KLHL1: variants seen among roughly 807,000 people sequenced by gnomAD.
KLHL1 encodes the protein kelch-like protein 1.
A neutral mutation model predicts 77.7 loss-of-function variants in KLHL1; 47 were observed. The observed-to-expected ratio is 0.60, with a 90% CI of 0.48 to 0.77. The LOEUF (loss-of-function observed/expected upper bound fraction) is 0.77, where lower values mean the gene tolerates loss of function less well. Ranked by LOEUF, KLHL1 falls within the 30% of genes least tolerant of loss-of-function variation. The pLI is 0.00. For synonymous variants in KLHL1, 360 were observed against 325.2 expected, an observed-to-expected ratio of 1.11 and a Z score of -1.15; for missense variants, 925 against 910.8, an observed-to-expected ratio of 1.02 and a Z score of -0.20.
chr13:69,744,662 C>A (rs190193156), intron 7 of KLHL1, among the ~76,000 whole-genome samples: 44 of 151,752 alleles, frequency 2.9e-4, no homozygotes, highest in Admixed American at 1.5e-3. Flanking sequence ...AGGTACACCC[C>A]CCCCAAAAGC....
At chr13:69,754,740 T>G (rs2152779) in intron 7 of KLHL1, among the ~76,000 whole-genome samples, 37,075 of 151,942 alleles carry the variant, frequency 0.24, 4,557 homozygotes, top group South Asian at 0.3. Flanking sequence ...GCACAATGGC[T>G]TTTCTTTTTA....
chr13:69,916,437 G>T (rs922939349), intron 4 of KLHL1, among the ~76,000 whole-genome samples: 2 of 152,070 alleles, frequency 1.3e-5, no homozygotes, highest in Non-Finnish European at 2.9e-5. Context: ...CATGTCCTTT[G>T]TAGGGACATG....
intron 2 of KLHL1, among the ~76,000 whole-genome samples, chr13:69,967,435 TC>T (rs1211277564): frequency 6.6e-6 from 1 of 152,176 alleles, no homozygotes; most frequent in Non-Finnish European, 1.5e-5. Context: ...AGAAGTGGAA[TC>T]TGAAGATGTA....
intron 1 of KLHL1, among the ~76,000 whole-genome samples, chr13:69,991,226 A>T (rs1885019347): frequency 6.6e-6 from 1 of 151,990 alleles, no homozygotes; most frequent in Admixed American, 6.6e-5. Flanking sequence ...TTAACAACCT[A>T]ACATCACAAT....
At chr13:70,044,496 A>C (rs553292940) in intron 1 of KLHL1, among the ~76,000 whole-genome samples, 29 of 152,186 alleles carry the variant, frequency 1.9e-4, no homozygotes, top group Non-Finnish European at 3.8e-4. Flanking sequence ...TTTACATGAA[A>C]AAATACATAT....
At chr13:69,904,302 A>C (rs987272990) in intron 4 of KLHL1, among the ~76,000 whole-genome samples, 2 of 152,212 alleles carry the variant, frequency 1.3e-5, no homozygotes, top group Admixed American at 1.3e-4. Context: ...TGAAGTTATC[A>C]TTATAAAGAT....
intron 6 of KLHL1, among the ~76,000 whole-genome samples, chr13:69,802,739 G>C (rs1038122198): frequency 1.3e-5 from 2 of 151,792 alleles, no homozygotes; most frequent in Non-Finnish European, 2.9e-5. Flanking sequence ...CCCCCATAGA[G>C]TTGTGAGCCC....
chr13:69,869,906 CA>C (rs887739270), intron 5 of KLHL1, among the ~76,000 whole-genome samples: 4 of 151,934 alleles, frequency 2.6e-5, no homozygotes, highest in African/African-American at 9.7e-5. Flanking sequence ...ATGATTATTA[CA>C]AAAAATACTA....
At chr13:69,815,457 A>G (rs1239318399) in intron 6 of KLHL1, among the ~76,000 whole-genome samples, 2 of 152,232 alleles carry the variant, frequency 1.3e-5, no homozygotes, top group Non-Finnish European at 2.9e-5. Flanking sequence ...ACAGAAACAG[A>G]AAACCAAATA....
chr13:69,744,658 A>AC (rs909856901), intron 7 of KLHL1, among the ~76,000 whole-genome samples: 59 of 150,588 alleles, frequency 3.9e-4, no homozygotes, highest in Admixed American at 8.0e-4. Context: ...CGAAAGGTAC[A>AC]CCCCCCCCAA....
rs148082358 is a variant in KLHL1 at position 69,832,211 on chromosome 13, C to T, written c.1414+6765G>A. Among the ~76,000 whole-genome samples, 870 of 149,826 alleles carry T rather than the reference C, an allele frequency of 5.8e-3. 32 individuals are homozygous for T. The highest frequency in any genetic ancestry group is 0.01 in the Middle Eastern group (3 of 286). ...ATACCTAGAATACTCTATAAACTCACGCAAAAAGCTCCTAGATCTGATAAA... is the reference window on the plus strand; with the variant it reads ...ATACCTAGAATACTCTATAAACTCATGCAAAAAGCTCCTAGATCTGATAAA... On this transcript the variant is annotated intron_variant, in intron 6 of 10. Coordinates refer to ENST00000377844, the MANE Select transcript of KLHL1 (RefSeq NM_020866.3).
chr13:69,883,327 A>T lies in KLHL1; in HGVS notation c.1015-832T>A, dbSNP rs766212185. Among the ~76,000 whole-genome samples the T allele has an allele frequency of 2.0e-5, 3 of 152,248 alleles. No homozygotes were observed. In the East Asian group the frequency reaches 5.8e-4, roughly 29 times the overall value. On this transcript the variant is annotated intron_variant, in intron 4 of 10. Transcript: ENST00000377844. Reference sequence around the variant, plus strand: ...TGTTCTCTTTGTTTTTCAACTTGCCATCTTGTTTGACATTTCCTCCCTTAC... The same window carrying T: ...TGTTCTCTTTGTTTTTCAACTTGCCTTCTTGTTTGACATTTCCTCCCTTAC...
intron 7 of KLHL1, among the ~76,000 whole-genome samples, chr13:69,777,495 T>G (rs184543415): frequency 6.6e-6 from 1 of 152,218 alleles, no homozygotes; most frequent in South Asian, 2.1e-4. Flanking sequence ...AGGATATTTT[T>G]CATATTTTAA....
At chr13:69,975,482 AAAC>A (rs958375700) in intron 2 of KLHL1, 135 bp downstream of exon 2, 88 of 738,346 alleles carry the variant, frequency 1.2e-4, no homozygotes, top group African/African-American at 2.5e-4. Flanking sequence ...TAAACAAAAC[AAAC>A]AACAACAACA....
chr13:69,783,158 CA>C (rs1876320732), intron 7 of KLHL1, among the ~76,000 whole-genome samples: 1 of 152,044 alleles, frequency 6.6e-6, no homozygotes, highest in African/African-American at 2.4e-5. Context: ...AGGACATCCA[CA>C]ACAAAAACCC....
chr13:69,801,930 G>A (rs1462607628), intron 6 of KLHL1, among the ~76,000 whole-genome samples: 1 of 152,040 alleles, frequency 6.6e-6, no homozygotes, highest in Non-Finnish European at 1.5e-5. Flanking sequence ...TATTACATAG[G>A]TATACATGCG....
chr13:69,954,557 A>C (rs1883809205), intron 3 of KLHL1, among the ~76,000 whole-genome samples: 1 of 151,222 alleles, frequency 6.6e-6, no homozygotes, highest in African/African-American at 2.4e-5. Context: ...CTTACTTCAA[A>C]ACCCAGAAAA....
At chr13:69,703,153 A>G (rs1002721512) in intron 10 of KLHL1, among the ~76,000 whole-genome samples, 7 of 151,704 alleles carry the variant, frequency 4.6e-5, no homozygotes, top group African/African-American at 1.4e-4. Flanking sequence ...GGTTCAGGTC[A>G]TGGATGAACC....
intron 7 of KLHL1, among the ~76,000 whole-genome samples, chr13:69,742,689 A>G (rs1874035467): frequency 1.3e-5 from 2 of 152,214 alleles, no homozygotes; most frequent in African/African-American, 4.8e-5. Context: ...AAATAAATGT[A>G]GCCAAATAGC....
Sources: gnomAD v4.1 joint callset for allele counts (sites outside exome capture counted in the v4.1 genomes callset) on GRCh38, gnomAD v4.1.1 for gene constraint, MANE v1.5 for transcripts, NCBI Gene and HGNC (gene_info 2026-07-23, HGNC 2026-07-21) for gene names.